The following FBXW11 variants were observed in gnomAD, a reference collection of about 807,000 sequenced individuals.
The protein encoded by FBXW11 is F-box/WD repeat-containing protein 11.
In FBXW11, 19 loss-of-function variants were observed where a neutral mutation model predicts 77.6. The observed-to-expected ratio is 0.24, with a 90% CI of 0.17 to 0.36. The LOEUF (loss-of-function observed/expected upper bound fraction) is 0.36, where lower values mean the gene tolerates loss of function less well. FBXW11 is among the 10% of genes least tolerant of loss of function. The pLI is 1.00. For synonymous variants in FBXW11, 235 were observed against 249.4 expected (o/e 0.94, Z 0.54); for missense variants, 334 against 704.2 (o/e 0.47, Z 5.95).
At chr5:171,981,055 C>T (rs1476972876) in intron 1 of FBXW11, among the ~76,000 whole-genome samples, 5 of 152,020 alleles carry the variant, frequency 3.3e-5, no homozygotes, top group East Asian at 3.9e-4. Flanking sequence ...GGACTGGAGA[C>T]GGGAGAGGAG....
chr5:171,915,271 T>A (rs1761151237), intron 2 of FBXW11, among the ~76,000 whole-genome samples: 1 of 152,146 alleles, frequency 6.6e-6, no homozygotes, highest in South Asian at 2.1e-4. Context: ...TTAAACAACA[T>A]TTGTCTCATA....
intron 1 of FBXW11, among the ~76,000 whole-genome samples, chr5:172,001,683 A>G (rs1766421372): frequency 6.6e-6 from 1 of 152,218 alleles, no homozygotes; most frequent in South Asian, 2.1e-4. Context: ...AGTGCTATAC[A>G]GACACAAAAA....
At chr5:171,953,912 T>C (rs1763485330) in intron 2 of FBXW11, among the ~76,000 whole-genome samples, 2 of 152,040 alleles carry the variant, frequency 1.3e-5, no homozygotes, top group South Asian at 4.2e-4. Flanking sequence ...ACTACACCTA[T>C]TAAAAGTAAA....
chr5:171,975,457 G>A (rs901031149), intron 1 of FBXW11, among the ~76,000 whole-genome samples: 2 of 152,190 alleles, frequency 1.3e-5, no homozygotes, highest in African/African-American at 4.8e-5. Context: ...TGGCTAAGAT[G>A]TGGTTATTAC....
intron 7 of FBXW11, among the ~76,000 whole-genome samples, chr5:171,881,064 A>G (rs1366534009): frequency 6.6e-6 from 1 of 152,172 alleles, no homozygotes; most frequent in East Asian, 1.9e-4. Context: ...CAACTGACTT[A>G]AGTATATTAA....
At chr5:171,985,046 A>C (rs1765360846) in intron 1 of FBXW11, among the ~76,000 whole-genome samples, 1 of 152,154 alleles carries the variant, frequency 6.6e-6, no homozygotes, top group Non-Finnish European at 1.5e-5. Flanking sequence ...TATCAATACA[A>C]ACACACATAT....
chr5:171,952,449 T>TATATATATATA (rs1561716455), intron 2 of FBXW11, among the ~76,000 whole-genome samples: 21 of 10,900 alleles, frequency 1.9e-3, no homozygotes, highest in African/African-American at 2.8e-3. Context: ...ATATATATAT[T>TATATATATATA]TTTTTTTTTT....
At chr5:171,996,893 G>A (rs1383763330) in intron 1 of FBXW11, 8 of 1,282,948 alleles carry the variant, frequency 6.2e-6, no homozygotes, top group Non-Finnish European at 1.0e-6. Context: ...TGCTTACCTG[G>A]AAAATATTTT....
chr5:172,000,176 A>G (rs1766328375), intron 1 of FBXW11, among the ~76,000 whole-genome samples: 1 of 152,234 alleles, frequency 6.6e-6, no homozygotes, highest in Non-Finnish European at 1.5e-5. Flanking sequence ...ACAACTCAGA[A>G]GAAAATCTTG....
chr5:171,921,689 G>T (rs945779836), intron 2 of FBXW11, among the ~76,000 whole-genome samples: 2 of 152,176 alleles, frequency 1.3e-5, no homozygotes. Context: ...GGTCTTTATT[G>T]CAAGGAGAGC....
At chr5:171,901,182 ACTGT>A (rs903944566) in intron 4 of FBXW11, among the ~76,000 whole-genome samples, 11 of 152,298 alleles carry the variant, frequency 7.2e-5, no homozygotes, top group Admixed American at 5.2e-4. Context: ...CCTTTCTTAC[ACTGT>A]CTGTCAGAAT....
rs1042738950 is a variant in FBXW11, at chr5:171,862,310, G to A, written c.*1817C>T. The A allele has an allele frequency of 2.6e-5, 4 of 152,492 alleles. No homozygotes were observed. Among genetic ancestry groups the A allele is most frequent in the Non-Finnish European group, 5.9e-5 (4 of 68,022 alleles). The allele number at this position is 152,492 out of a possible 1,614,324, so 9.4% of individuals were successfully genotyped here. ...AAAACATAAATTAATTTAGTAACAT[G>A]GGAAGGAAGGATTTTATTTTTAAAA... is the stretch of plus-strand genomic sequence containing the variant. On this transcript the variant is annotated 3_prime_UTR_variant, in exon 14 of 14. Coordinates refer to ENST00000517395, the MANE Select transcript of FBXW11 (RefSeq NM_001378974.1).
At chr5:171,997,395 C>T (rs1766119233) in intron 1 of FBXW11, among the ~76,000 whole-genome samples, 1 of 152,166 alleles carries the variant, frequency 6.6e-6, no homozygotes, top group Non-Finnish European at 1.5e-5. Context: ...CTTCCTTATC[C>T]ATTTTCTAAG....
intron 13 of FBXW11, 96 bp downstream of exon 13, chr5:171,868,514 G>T: frequency 1.0e-6 from 1 of 968,058 alleles, no homozygotes; most frequent in Non-Finnish European, 1.6e-6. Flanking sequence ...GAGAGACCTT[G>T]GTTCACACAT....
intron 4 of FBXW11, among the ~76,000 whole-genome samples, chr5:171,909,285 G>A (rs1037908282): frequency 3.3e-5 from 5 of 151,982 alleles, no homozygotes; most frequent in African/African-American, 1.2e-4. Flanking sequence ...CCACCTCGTT[G>A]AGAAAAACAA....
At position 171,953,470 on chromosome 5, in the gene FBXW11, T is replaced by C. The variant is rs1159009718; in HGVS notation, c.147+4127A>G. 2.0e-5 allele frequency among the ~76,000 whole-genome samples: 3 copies of C among 152,326 alleles called. No individual in the cohort carries two copies. In the East Asian group the frequency reaches 5.8e-4, roughly 29 times the overall value. On this transcript the variant is annotated intron_variant, in intron 2 of 13. Coordinates refer to ENST00000517395, the MANE Select transcript of FBXW11 (RefSeq NM_001378974.1). ...AAGAGGCAATGAATTCAAACAGCCA[T>C]GTCTGACCTTAGACAGACCGACCCT... is the stretch of plus-strand genomic sequence containing the variant.
At chr5:171,950,563 T>G (rs1763253598) in intron 2 of FBXW11, among the ~76,000 whole-genome samples, 1 of 152,140 alleles carries the variant, frequency 6.6e-6, no homozygotes, top group African/African-American at 2.4e-5. Context: ...CGTATTGTGA[T>G]TTTTCTAGGG....
chr5:171,955,705 C>T (rs1256630777), intron 2 of FBXW11, among the ~76,000 whole-genome samples: 1 of 151,974 alleles, frequency 6.6e-6, no homozygotes, highest in Non-Finnish European at 1.5e-5. Flanking sequence ...TTTTACTATG[C>T]TGCATACCCT....
chr5:171,933,990 A>T (rs1489360090), intron 2 of FBXW11, among the ~76,000 whole-genome samples: 1 of 152,240 alleles, frequency 6.6e-6, no homozygotes, highest in Non-Finnish European at 1.5e-5. Context: ...GTTCTGTGAG[A>T]TCATGAAGCC....
Sources: gnomAD v4.1 joint callset for allele counts (sites outside exome capture counted in the v4.1 genomes callset) on GRCh38, gnomAD v4.1.1 for gene constraint, MANE v1.5 for transcripts, NCBI Gene and HGNC (gene_info 2026-07-23, HGNC 2026-07-21) for gene names.